The following SLC35F2 variants were observed in gnomAD, a reference collection of about 807,000 sequenced individuals.
The protein encoded by SLC35F2 is solute carrier family 35 member F2.
Under a neutral mutation model 38.1 loss-of-function variants are expected in SLC35F2, and 25 were observed. The ratio of observed to expected loss-of-function variants is 0.66; its 90% CI spans 0.48 to 0.92. The LOEUF (loss-of-function observed/expected upper bound fraction) is 0.92. Among genes scored for constraint, SLC35F2 ranks in the 40% least tolerant of loss-of-function variants. The pLI is 0.00. For synonymous variants in SLC35F2, 173 were observed against 181.7 expected, an observed-to-expected ratio of 0.95 and a Z score of 0.38; for missense variants, 409 against 452.9, an observed-to-expected ratio of 0.90 and a Z score of 0.88.
At chr11:107,797,192 G>A (rs1031022385) in intron 7 of SLC35F2, among the ~76,000 whole-genome samples, 1 of 152,014 alleles carries the variant, frequency 6.6e-6, no homozygotes, top group Non-Finnish European at 1.5e-5. Flanking sequence ...AATTAAGAAC[G>A]GGGCATTCTA....
intron 1 of SLC35F2, among the ~76,000 whole-genome samples, chr11:107,830,583 CA>C (rs66495434): frequency 8.3e-4 from 79 of 95,724 alleles, no homozygotes; most frequent in Middle Eastern, 5.7e-3. Flanking sequence ...GACTCAGTCT[CA>C]AAAAAAAAAA....
intron 1 of SLC35F2, among the ~76,000 whole-genome samples, chr11:107,831,534 A>G (rs1859841637): frequency 6.6e-6 from 1 of 152,094 alleles, no homozygotes; most frequent in South Asian, 2.1e-4. Flanking sequence ...CAACAAGACA[A>G]TCTTATCTGG....
At chr11:107,806,078 C>G (rs1331967404) in intron 4 of SLC35F2, among the ~76,000 whole-genome samples, 1 of 152,224 alleles carries the variant, frequency 6.6e-6, no homozygotes, top group Non-Finnish European at 1.5e-5. Flanking sequence ...CCACCGCACC[C>G]AACCTGGTTA....
chr11:107,844,328 G>C (rs187038728), intron 1 of SLC35F2, among the ~76,000 whole-genome samples: 1 of 151,938 alleles, frequency 6.6e-6, no homozygotes, highest in Non-Finnish European at 1.5e-5. Context: ...AATACCTGCC[G>C]CAGAAAGTTA....
At chr11:107,820,777 G>T (rs1460081358) in intron 1 of SLC35F2, among the ~76,000 whole-genome samples, 1 of 152,094 alleles carries the variant, frequency 6.6e-6, no homozygotes, top group Non-Finnish European at 1.5e-5. Flanking sequence ...CTGACATAGT[G>T]AAATCCCGTC....
chr11:107,825,300 G>C (rs1203023644), intron 1 of SLC35F2, among the ~76,000 whole-genome samples: 3 of 150,264 alleles, frequency 2.0e-5, no homozygotes, highest in Admixed American at 1.3e-4. Flanking sequence ...TAAGGCTCTT[G>C]TTAAAGTGCA....
At chr11:107,798,948 T>C (rs1359285943) in intron 7 of SLC35F2, among the ~76,000 whole-genome samples, 2 of 152,114 alleles carry the variant, frequency 1.3e-5, no homozygotes, top group Non-Finnish European at 2.9e-5. Context: ...TGGTGGCAGG[T>C]GCCTGTAATC....
chr11:107,820,499 T>TATCCCTC (rs1859651120), intron 1 of SLC35F2, among the ~76,000 whole-genome samples: 2 of 152,146 alleles, frequency 1.3e-5, no homozygotes, highest in African/African-American at 4.8e-5. Context: ...AAACATCTGC[T>TATCCCTC]ATCCCTCCTA....
chr11:107,810,964 A>T (rs1007224782), intron 3 of SLC35F2: 1 of 980,712 alleles, frequency 1.0e-6, no homozygotes, highest in African/African-American at 1.8e-5. Flanking sequence ...TTATTTAAAA[A>T]AATGAAAAAA....
chr11:107,825,383 T>C (rs1859739537), intron 1 of SLC35F2, among the ~76,000 whole-genome samples: 1 of 149,688 alleles, frequency 6.7e-6, no homozygotes, highest in Non-Finnish European at 1.5e-5. Flanking sequence ...TTTTTTCTTT[T>C]TTTTTTGAGA....
intron 7 of SLC35F2, among the ~76,000 whole-genome samples, chr11:107,797,516 T>C (rs1859239147): frequency 6.6e-6 from 1 of 151,996 alleles, no homozygotes; most frequent in Non-Finnish European, 1.5e-5. Flanking sequence ...AGTGAGACCC[T>C]ATCGCTAAAA....
At chr11:107,856,905 A>AAGGAAGGG (rs1565444701) in intron 1 of SLC35F2, among the ~76,000 whole-genome samples, 6 of 77,728 alleles carry the variant, frequency 7.7e-5, no homozygotes, top group Non-Finnish European at 1.2e-4. Context: ...GGAAGGAAGG[A>AAGGAAGGG]AGGGAGGGAG....
At chr11:107,812,434 G>A (rs1859496703) in intron 2 of SLC35F2, among the ~76,000 whole-genome samples, 1 of 152,146 alleles carries the variant, frequency 6.6e-6, no homozygotes, top group African/African-American at 2.4e-5. Context: ...CTACTCAGGA[G>A]GTTGAGGTGA....
At chr11:107,836,244 C>T (rs1167857005) in intron 1 of SLC35F2, among the ~76,000 whole-genome samples, 1 of 151,776 alleles carries the variant, frequency 6.6e-6, no homozygotes, top group Non-Finnish European at 1.5e-5. Flanking sequence ...TTTTTTGTTT[C>T]CCTGCTGTTC....
At chr11:107,854,994 G>T (rs1395045087) in intron 1 of SLC35F2, among the ~76,000 whole-genome samples, 1 of 152,178 alleles carries the variant, frequency 6.6e-6, no homozygotes, top group African/African-American at 2.4e-5. Flanking sequence ...CTTGGGACAT[G>T]AGTTTTGACA....
At chr11:107,839,584 AAT>A (rs1316377485) in intron 1 of SLC35F2, among the ~76,000 whole-genome samples, 8 of 152,230 alleles carry the variant, frequency 5.3e-5, no homozygotes, top group Non-Finnish European at 1.0e-4. Context: ...AATAAGGGAA[AAT>A]ATAAAATCCA....
chr11:107,792,815 C>T lies in SLC35F2; in HGVS notation c.940-15G>A. On this transcript the variant is annotated splice_polypyrimidine_tract_variant and intron_variant, in intron 7 of 7. Coordinates refer to ENST00000525815, the MANE Select transcript of SLC35F2 (RefSeq NM_017515.5). ...AGTCCTGAAAACTAGAAGGGAAGAA[C>T]AGGCAGTGAATTGTGCCCCTCACAT... 6.5e-7 allele frequency: 1 copy of T among 1,547,268 alleles called. No individual in the cohort carries two copies. The highest frequency in any genetic ancestry group is 8.7e-7 in the Non-Finnish European group (1 of 1,142,970).
At chr11:107,802,719 T>G (rs1486208854) in intron 7 of SLC35F2, among the ~76,000 whole-genome samples, 1 of 152,206 alleles carries the variant, frequency 6.6e-6, no homozygotes, top group Admixed American at 6.5e-5. Flanking sequence ...GCCAGCTTGT[T>G]TATCACCTGA....
At chr11:107,803,875 G>C (rs1859355652) in intron 6 of SLC35F2, among the ~76,000 whole-genome samples, 1 of 151,812 alleles carries the variant, frequency 6.6e-6, no homozygotes, top group Admixed American at 6.6e-5. Context: ...GCCTGGGCTG[G>C]AGTGCAGTGG....
Sources: allele counts gnomAD v4.1 joint callset (sites outside exome capture counted in the v4.1 genomes callset), GRCh38; gene constraint gnomAD v4.1.1; transcripts MANE v1.5; gene names NCBI Gene and HGNC (gene_info 2026-07-23, HGNC 2026-07-21).